The following DLGAP2 variants were observed in gnomAD, a reference collection of about 807,000 sequenced individuals.
DLGAP2 encodes disks large-associated protein 2.
DLGAP2 carries 26 observed loss-of-function variants against 100.3 expected under a neutral mutation model. The observed-to-expected ratio is 0.26, with a 90% confidence interval of 0.19 to 0.36. The LOEUF (loss-of-function observed/expected upper bound fraction) is 0.36, where lower values mean the gene tolerates loss of function less well. DLGAP2 is among the 10% of genes least tolerant of loss of function. The pLI is 1.00. For missense variants in DLGAP2, 1,858 were observed against 1,453.2 expected, an observed-to-expected ratio of 1.28 and a Z score of -4.53; for synonymous variants, 886 against 630.1, an observed-to-expected ratio of 1.41 and a Z score of -6.08.
chr8:1,316,932 A>G (rs1800768150), intron 3 of DLGAP2, among the ~76,000 whole-genome samples: 1 of 103,296 alleles, frequency 9.7e-6, no homozygotes, highest in East Asian at 2.5e-4. Context: ...ACAGTGGTCT[A>G]CACTCGAGAC....
chr8:1,657,191 C>G (rs1299022986), intron 8 of DLGAP2, among the ~76,000 whole-genome samples: 4 of 152,278 alleles, frequency 2.6e-5, no homozygotes, highest in African/African-American at 9.6e-5. Flanking sequence ...TATTTGATCA[C>G]TTATATAATC....
intron 2 of DLGAP2, among the ~76,000 whole-genome samples, chr8:1,100,948 A>C (rs77206368): frequency 0.014 from 2,184 of 152,346 alleles, 54 homozygotes; most frequent in African/African-American, 0.05. Flanking sequence ...AAAGATAAGC[A>C]ATACCAGTTA....
At chr8:1,081,796 C>A (rs1049956260) in intron 2 of DLGAP2, among the ~76,000 whole-genome samples, 1 of 152,196 alleles carries the variant, frequency 6.6e-6, no homozygotes, top group African/African-American at 2.4e-5. Flanking sequence ...AACACTCTCA[C>A]ATGTTCTGAA....
chr8:840,306 G>A (rs1198906811), intron 1 of DLGAP2, among the ~76,000 whole-genome samples: 1 of 61,276 alleles, frequency 1.6e-5, no homozygotes, highest in Non-Finnish European at 3.0e-5. Flanking sequence ...GCGTCCACAC[G>A]GTGCACGCCT....
chr8:1,324,659 A>G (rs1285095943), intron 3 of DLGAP2, among the ~76,000 whole-genome samples: 1 of 152,186 alleles, frequency 6.6e-6, no homozygotes, highest in African/African-American at 2.4e-5. Context: ...ACTGGAATTG[A>G]TTCCTGTGTC....
Position 1,094,003 on chromosome 8 carries a change from C to T in DLGAP2, c.74-164848C>T, listed in dbSNP as rs72507629. Reference sequence around the variant, plus strand: ...CGCTCGTGGATGGAGGGCAGCTCCCCGGTGGAGGGAGGGCAGCTTCGCGGT... The same window carrying T: ...CGCTCGTGGATGGAGGGCAGCTCCCTGGTGGAGGGAGGGCAGCTTCGCGGT... On this transcript the variant is annotated intron_variant, in intron 2 of 14. Transcript: ENST00000637795. 2.6e-3 allele frequency among the ~76,000 whole-genome samples: 286 copies of T among 108,490 alleles called. 1 individual carries two copies. Among genetic ancestry groups the T allele is most frequent in the Admixed American group, 5.6e-3 (55 of 9,744 alleles). The allele number at this position is 108,490 out of a possible 152,430, so 71.2% of individuals were successfully genotyped here. A position where few individuals can be genotyped will look rare whatever the true frequency, so the allele number is the denominator to read the frequency against.
chr8:956,524 G>A (rs985288249), intron 2 of DLGAP2, among the ~76,000 whole-genome samples: 1 of 152,166 alleles, frequency 6.6e-6, no homozygotes, highest in Non-Finnish European at 1.5e-5. Context: ...CCACAGCCCA[G>A]ACACCACTCA....
intron 3 of DLGAP2, among the ~76,000 whole-genome samples, chr8:1,341,227 G>T (rs1361504415): frequency 6.6e-6 from 1 of 152,120 alleles, no homozygotes; most frequent in Non-Finnish European, 1.5e-5. Flanking sequence ...ACCCCTGAAT[G>T]TAAAATCAAA....
chr8:1,488,161 G>C (rs1799278095), intron 3 of DLGAP2, among the ~76,000 whole-genome samples: 1 of 152,160 alleles, frequency 6.6e-6, no homozygotes, highest in Admixed American at 6.5e-5. Context: ...GAGGCTGGGA[G>C]TCCTTCTTCC....
intron 2 of DLGAP2, among the ~76,000 whole-genome samples, chr8:1,059,214 C>G (rs528521726): frequency 6.6e-6 from 1 of 152,190 alleles, no homozygotes; most frequent in South Asian, 2.1e-4. Flanking sequence ...TAGGGAGAGG[C>G]TCCATCACCA....
At chr8:1,193,273 G>A (rs10098489) in intron 2 of DLGAP2, among the ~76,000 whole-genome samples, 48,640 of 152,100 alleles carry the variant, frequency 0.32, 8,917 homozygotes, top group Non-Finnish European at 0.42. Context: ...GGTTGAACCA[G>A]TTTACTGTCC....
chr8:945,918 T>C (rs1799307578), intron 2 of DLGAP2, among the ~76,000 whole-genome samples: 1 of 152,152 alleles, frequency 6.6e-6, no homozygotes. Context: ...CTTGAAGACA[T>C]GGGAAGTTCC....
chr8:950,071 C>A (rs1490705878), intron 2 of DLGAP2, among the ~76,000 whole-genome samples: 1 of 152,224 alleles, frequency 6.6e-6, no homozygotes, highest in Non-Finnish European at 1.5e-5. Context: ...GACGCCTTAT[C>A]TGCCCGGCAG....
At chr8:1,331,569 A>G (rs1801158850) in intron 3 of DLGAP2, among the ~76,000 whole-genome samples, 1 of 151,752 alleles carries the variant, frequency 6.6e-6, no homozygotes, top group Non-Finnish European at 1.5e-5. Flanking sequence ...CTGTTCATCC[A>G]CCTCGGTGTT....
chr8:802,470 G>A (rs1412711781), intron 1 of DLGAP2, among the ~76,000 whole-genome samples: 1 of 152,194 alleles, frequency 6.6e-6, no homozygotes, highest in African/African-American at 2.4e-5. Flanking sequence ...TTGGGGTCGT[G>A]TTGTCCTTGC....
At chr8:1,276,371 C>T (rs887825314) in intron 3 of DLGAP2, among the ~76,000 whole-genome samples, 1 of 152,050 alleles carries the variant, frequency 6.6e-6, no homozygotes, top group African/African-American at 2.4e-5. Flanking sequence ...GCGTCGGGCA[C>T]TATCAGATGG....
chr8:1,537,113 G>A (rs556623966), intron 4 of DLGAP2, among the ~76,000 whole-genome samples: 50 of 152,192 alleles, frequency 3.3e-4, no homozygotes, highest in African/African-American at 9.9e-4. Context: ...GTGGTGTGTG[G>A]TATGTGGTAG....
intron 2 of DLGAP2, among the ~76,000 whole-genome samples, chr8:922,465 T>A (rs1223332264): frequency 6.6e-6 from 1 of 152,194 alleles, no homozygotes; most frequent in African/African-American, 2.4e-5. Context: ...AAAAGAAGAC[T>A]CTGCACTAAA....
chr8:911,641 G>A (rs1798487151), intron 2 of DLGAP2, among the ~76,000 whole-genome samples: 1 of 152,090 alleles, frequency 6.6e-6, no homozygotes, highest in Non-Finnish European at 1.5e-5. Context: ...AATGTATGTG[G>A]GAAGGATGCT....
Sources: allele counts gnomAD v4.1 joint callset (sites outside exome capture counted in the v4.1 genomes callset), GRCh38; gene constraint gnomAD v4.1.1; transcripts MANE v1.5; gene names NCBI Gene and HGNC (gene_info 2026-07-23, HGNC 2026-07-21).